The following ITGBL1 variants were observed in gnomAD, a reference collection of about 807,000 sequenced individuals.
ITGBL1 encodes integrin beta-like protein 1.
Under a neutral mutation model 68.5 loss-of-function variants are expected in ITGBL1, and 51 were observed. The observed-to-expected ratio is 0.74, with a 90% CI of 0.59 to 0.94. ITGBL1 has a LOEUF of 0.94. Ranked by LOEUF, ITGBL1 falls within the 40% of genes least tolerant of loss-of-function variation. The pLI is 0.00. For synonymous variants in ITGBL1, 209 were observed against 227.3 expected (o/e 0.92, Z 0.72); for missense variants, 649 against 647.4 (o/e 1.00, Z -0.03).
At chr13:101,575,596 C>A (rs1428636572) in intron 4 of ITGBL1, 50 bp downstream of exon 4, 1 of 1,566,032 alleles carries the variant, frequency 6.4e-7, no homozygotes, top group African/African-American at 1.4e-5. Context: ...GTTTTTTTCA[C>A]CTATTTCATT....
At chr13:101,588,407 C>T (rs542578900) in intron 6 of ITGBL1, among the ~76,000 whole-genome samples, 99 of 151,876 alleles carry the variant, frequency 6.5e-4, no homozygotes, top group Non-Finnish European at 1.3e-3. Context: ...AGCACCATGC[C>T]GAATCTTTCA....
At chr13:101,604,887 T>TATGTATATATATATACAC in intron 7 of ITGBL1, among the ~76,000 whole-genome samples, 2 of 22,164 alleles carry the variant, frequency 9.0e-5, no homozygotes, top group Non-Finnish European at 1.6e-4. Context: ...TATATATATA[T>TATGTATATATATATACAC]ACACACACAC....
chr13:101,595,590 T>A (rs1158937741), intron 6 of ITGBL1, among the ~76,000 whole-genome samples: 2 of 151,856 alleles, frequency 1.3e-5, no homozygotes, highest in African/African-American at 2.4e-5. Flanking sequence ...GGCCAGTGGG[T>A]ATATGAAAAA....
chr13:101,592,003 T>C (rs959163779), intron 6 of ITGBL1, among the ~76,000 whole-genome samples: 3 of 152,114 alleles, frequency 2.0e-5, no homozygotes, highest in African/African-American at 7.2e-5. Context: ...AAATGTGGAT[T>C]GATAATATAT....
At chr13:101,499,629 C>CAA (rs550659244) in intron 2 of ITGBL1, among the ~76,000 whole-genome samples, 5 of 152,310 alleles carry the variant, frequency 3.3e-5, no homozygotes, top group Non-Finnish European at 7.4e-5. Context: ...CTTGCTTGGG[C>CAA]AAATAAATGC....
downstream of ITGBL1, chr13:101,717,701 A>C (rs937684750): frequency 2.0e-5 from 3 of 152,060 alleles, no homozygotes; most frequent in African/African-American, 7.2e-5. Context: ...TAAAGCTGTA[A>C]AAAAAATTTA....
chr13:101,505,752 C>G (rs2049017483), intron 2 of ITGBL1, among the ~76,000 whole-genome samples: 1 of 148,668 alleles, frequency 6.7e-6, no homozygotes, highest in African/African-American at 2.4e-5. Flanking sequence ...AGTCGATGTT[C>G]CCTTCCTCTT....
intron 7 of ITGBL1, among the ~76,000 whole-genome samples, chr13:101,674,250 C>A (rs569855111): frequency 6.6e-6 from 1 of 152,206 alleles, no homozygotes; most frequent in Non-Finnish European, 1.5e-5. Context: ...GGACTAATGT[C>A]AGACTTGTTT....
rs539688723 is a variant in ITGBL1 at position 101,486,911 on chromosome 13, C to T, written c.316+32811C>T. On this transcript the variant is annotated intron_variant, in intron 2 of 10. Coordinates refer to ENST00000376180, the MANE Select transcript of ITGBL1 (RefSeq NM_004791.3). ...TGCCTACGTAGGTATTAAATGTCAG[C>T]TCTTATTTTTAATGCTTTCTAGATT... Among the ~76,000 whole-genome samples, 20 of 152,120 alleles carry T rather than the reference C, an allele frequency of 1.3e-4. No individual in the cohort carries two copies. In the South Asian group the frequency reaches 4.1e-3, roughly 32 times the overall value.
At chr13:101,567,355 A>AT (rs1322107966) in intron 2 of ITGBL1, among the ~76,000 whole-genome samples, 1 of 151,956 alleles carries the variant, frequency 6.6e-6, no homozygotes, top group South Asian at 2.1e-4. Flanking sequence ...AACTAGAAGT[A>AT]TTTTTTCGTT....
rs114025726 is a variant in ITGBL1 at position 101,655,346 on chromosome 13, C to T, written c.1016-37239C>T. Among the ~76,000 whole-genome samples, 482 of 152,194 alleles carry T rather than the reference C, an allele frequency of 3.2e-3. 2 individuals carry two copies. Among genetic ancestry groups the T allele is most frequent in the African/African-American group, 0.011 (453 of 41,538 alleles). On this transcript the variant is annotated intron_variant, in intron 7 of 10. Coordinates refer to ENST00000376180, the MANE Select transcript of ITGBL1 (RefSeq NM_004791.3). Reference sequence around the variant, plus strand: ...GCAAAAAGCAGTTGCCAGACATGCACATTTAAATGTACTGAAACGCAAGGT... The same window carrying T: ...GCAAAAAGCAGTTGCCAGACATGCATATTTAAATGTACTGAAACGCAAGGT...
chr13:101,649,696 T>C (rs897164735), intron 7 of ITGBL1, among the ~76,000 whole-genome samples: 4 of 152,232 alleles, frequency 2.6e-5, no homozygotes, highest in African/African-American at 9.6e-5. Context: ...CTGCTCTTAC[T>C]GACCAGCCTA....
intron 7 of ITGBL1, among the ~76,000 whole-genome samples, chr13:101,658,441 A>G (rs890539323): frequency 2.6e-5 from 4 of 151,924 alleles, no homozygotes; most frequent in African/African-American, 9.7e-5. Flanking sequence ...TGTGTTTTAA[A>G]AAAATTAAAG....
intron 7 of ITGBL1, among the ~76,000 whole-genome samples, chr13:101,677,103 G>A (rs991238409): frequency 6.6e-6 from 1 of 152,078 alleles, no homozygotes; most frequent in Non-Finnish European, 1.5e-5. Flanking sequence ...CAGCCTGGGC[G>A]ACAGAGCGAG....
At chr13:101,517,935 A>C (rs2049222179) in intron 2 of ITGBL1, among the ~76,000 whole-genome samples, 1 of 152,154 alleles carries the variant, frequency 6.6e-6, no homozygotes, top group Non-Finnish European at 1.5e-5. Context: ...TCCCCACAGC[A>C]CTGCCCCTTC....
At chr13:101,657,455 C>T (rs2032961616) in intron 7 of ITGBL1, among the ~76,000 whole-genome samples, 1 of 152,068 alleles carries the variant, frequency 6.6e-6, no homozygotes, top group Admixed American at 6.6e-5. Context: ...GCCCATCAAA[C>T]ATTTTCTTTA....
downstream of ITGBL1, chr13:101,719,200 G>T (rs534774324): frequency 2.0e-5 from 3 of 152,072 alleles, no homozygotes; most frequent in African/African-American, 7.2e-5. Context: ...ATAAGTTTTT[G>T]GTTTTTGCTT....
intron 7 of ITGBL1, among the ~76,000 whole-genome samples, chr13:101,626,213 G>T (rs145598959): frequency 9.7e-4 from 148 of 152,046 alleles, no homozygotes; most frequent in Non-Finnish European, 1.9e-3. Context: ...CATAGACAGT[G>T]TCTACAAACT....
chr13:101,495,456 G>A (rs1183467631), intron 2 of ITGBL1, among the ~76,000 whole-genome samples: 1 of 152,094 alleles, frequency 6.6e-6, no homozygotes, highest in Non-Finnish European at 1.5e-5. Context: ...AAATGTGCTT[G>A]TTCTCATCTC....
Sources: gnomAD v4.1 joint callset for allele counts (sites outside exome capture counted in the v4.1 genomes callset) on GRCh38, gnomAD v4.1.1 for gene constraint, MANE v1.5 for transcripts, NCBI Gene and HGNC (gene_info 2026-07-23, HGNC 2026-07-21) for gene names.